The following MIDN variants were observed in gnomAD, a reference collection of about 807,000 sequenced individuals.
MIDN encodes midnolin, also known as midbrain nucleolar protein.
Under a neutral mutation model 46.1 loss-of-function variants are expected in MIDN, and 26 were observed. The ratio of observed to expected loss-of-function variants is 0.56; its 90% CI spans 0.41 to 0.78. MIDN has a LOEUF of 0.78. Ranked by LOEUF, MIDN falls within the 30% of genes least tolerant of loss-of-function variation. The probability of loss-of-function intolerance (pLI) is 0.00; values close to 1 mark genes in which losing one functional copy is unlikely to be tolerated. For missense variants in MIDN, 850 were observed against 771.8 expected (o/e 1.10, Z -1.20); for synonymous variants, 432 against 343.3 (o/e 1.26, Z -2.86).
chr19:1,251,103 C>A (rs1017737109), intron 2 of MIDN, among the ~76,000 whole-genome samples: 1 of 151,988 alleles, frequency 6.6e-6, no homozygotes, highest in Non-Finnish European at 1.5e-5. Flanking sequence ...CGGCGGCGGC[C>A]GCCTGCGCCG....
Position 1,250,342 on chromosome 19 carries a change from C to A in MIDN, c.46C>A (p.Pro16Thr). 1 of 1,042,892 alleles carries A rather than the reference C, an allele frequency of 9.6e-7. No homozygotes were observed. The highest frequency in any genetic ancestry group is 4.3e-5 in the South Asian group (1 of 23,268). 64.6% of individuals were successfully genotyped at this position (1,042,892 alleles called of 1,614,324 possible). ...CGCCCGGAGCTGCCGGCGCGGGGCCCCCGGCGGCGCCTGCGAGCTGGGCCC... is the reference window on the plus strand; with the variant it reads ...CGCCCGGAGCTGCCGGCGCGGGGCCACCGGCGGCGCCTGCGAGCTGGGCCC... Reference protein sequence around the residue: ...GGARSCRRGAPGGACELGPAA... With the variant: ...GGARSCRRGATGGACELGPAA... The change falls in exon 2 of 9, where the codon CCC becomes ACC. Residue 16 changes from proline to threonine, a missense_variant. Pro to Thr is a conservative substitution (Grantham distance 38). Transcript: ENST00000682408.
Position 1,254,039 on chromosome 19 carries a change from G to T in MIDN, c.470G>T (p.Arg157Leu). 2 of 1,438,242 alleles carry T rather than the reference G, an allele frequency of 1.4e-6. No individual in the cohort carries two copies. Among genetic ancestry groups the T allele is most frequent in the South Asian group, 2.7e-5 (2 of 73,370 alleles). 89.1% of individuals were successfully genotyped at this position (1,438,242 alleles called of 1,614,324 possible). A position where few individuals can be genotyped will look rare whatever the true frequency, so the allele number is the denominator to read the frequency against. ...ATTTTATTTAAGCGTCCGTGGCACC[G>T]ACAGGGACCCCAGAGCCCAGAGAGG... ...RFILFKRPWH[R>L]QGPQSPERGG... Residue 157 changes from arginine (R) to leucine (L), a missense_variant, in exon 5 of 9, where the codon CGA becomes CTA. By Grantham distance (102) the Arg-to-Leu change is moderately radical (BLOSUM62 -2). Coordinates refer to ENST00000682408, the MANE Select transcript of MIDN (RefSeq NM_001388306.1).
At chr19:1,252,678 C>T (rs2081146585) in intron 4 of MIDN, among the ~76,000 whole-genome samples, 1 of 152,210 alleles carries the variant, frequency 6.6e-6, no homozygotes, top group Non-Finnish European at 1.5e-5. Flanking sequence ...GTGGGGGACG[C>T]AGGCTGCCAC....
At chr19:1,251,510 G>C in intron 2 of MIDN, 52 bp from the exon 3 acceptor site, 1 of 1,558,278 alleles carries the variant, frequency 6.4e-7, no homozygotes. Context: ...CTCTGCTTCC[G>C]CGTCCCTGTG....
chr19:1,252,057 A>G (rs1230918056), intron 4 of MIDN, among the ~76,000 whole-genome samples, 156 bp downstream of exon 4: 2 of 151,374 alleles, frequency 1.3e-5, no homozygotes, highest in Non-Finnish European at 2.9e-5. Flanking sequence ...TGGCCTCCCC[A>G]CCTCCTCTCC....
rs746383092 is a variant in MIDN, at chr19:1,257,198, G to A, written c.1462G>A (p.Gly488Ser). 1 of 1,612,132 alleles carries A rather than the reference G, an allele frequency of 6.2e-7. No homozygotes were observed. The highest frequency in any genetic ancestry group is 1.1e-5 in the South Asian group (1 of 91,082). Reference protein sequence around the residue: ...GGSPSEASGLGLDFEDSVWKP... With the variant: ...GGSPSEASGLSLDFEDSVWKP... ...CAGCCCCAGCGAGGCCTCCGGCTTG[G>A]GCCTCGACTTCGAGGACTCCGTGTG... The change falls in exon 9 of 9, where the codon GGC becomes AGC. Residue 488 changes from glycine (G) to serine (S), a missense_variant. Physicochemically the swap from Gly to Ser is moderately conservative, Grantham distance 56. Transcript: ENST00000682408.
At position 1,258,524 on chromosome 19, in the gene MIDN, T is replaced by C. The variant is rs911739263; in HGVS notation, c.*1252T>C. ...GATTTTTTTCCCCACTCACTTTTTA[T>C]TTTTTAATGATAATGGAGATGTCTG... On this transcript the variant is annotated 3_prime_UTR_variant, in exon 9 of 9. Coordinates refer to ENST00000682408, the MANE Select transcript of MIDN (RefSeq NM_001388306.1). The C allele has an allele frequency of 6.6e-6, 1 of 152,466 alleles. No individual in the cohort carries two copies. The highest frequency in any genetic ancestry group is 2.4e-5 in the African/African-American group (1 of 41,440). 9.4% of individuals were successfully genotyped at this position (152,466 alleles called of 1,614,324 possible). A position where few individuals can be genotyped will look rare whatever the true frequency, so the allele number is the denominator to read the frequency against.
intron 7 of MIDN, 114 bp from the exon 8 acceptor site, chr19:1,255,308 C>T: frequency 2.2e-6 from 3 of 1,345,798 alleles, no homozygotes; most frequent in Admixed American, 2.4e-5. Context: ...TCGTGCACAT[C>T]AGCCCACATG....
At chr19:1,253,094 C>T (rs2081152861) in intron 4 of MIDN, among the ~76,000 whole-genome samples, 1 of 151,822 alleles carries the variant, frequency 6.6e-6, no homozygotes, top group South Asian at 2.1e-4. Context: ...TGCTTCCCTG[C>T]CTGGCACCGA....
At position 1,259,092 on chromosome 19, in the gene MIDN, A is replaced by AC. The variant is rs1461205846; in HGVS notation, c.*1820_*1821insC. On this transcript the variant is annotated 3_prime_UTR_variant, in exon 9 of 9. Coordinates refer to ENST00000682408, the MANE Select transcript of MIDN (RefSeq NM_001388306.1). ...AAAACATAAAATTGAAAAAAAAAAA[A>AC]AAACCTACACGAGCACCGTGATTTC... 2 of 151,800 alleles carry AC rather than the reference A, an allele frequency of 1.3e-5. No homozygotes were observed. The highest frequency in any genetic ancestry group is 2.9e-5 in the Non-Finnish European group (2 of 67,950). The allele number at this position is 151,800 out of a possible 1,614,324, so 9.4% of individuals were successfully genotyped here. A position where few individuals can be genotyped will look rare whatever the true frequency, so the allele number is the denominator to read the frequency against.
rs995941071 is a variant in MIDN, at chr19:1,258,158, TGA to T, written c.*887_*888del. 1 of 152,608 alleles carries T rather than the reference TGA, an allele frequency of 6.6e-6. No homozygotes were observed. The highest frequency in any genetic ancestry group is 2.4e-5 in the African/African-American group (1 of 41,464). 9.5% of individuals were successfully genotyped at this position (152,608 alleles called of 1,614,324 possible). A position where few individuals can be genotyped will look rare whatever the true frequency, so the allele number is the denominator to read the frequency against. On this transcript the variant is annotated 3_prime_UTR_variant, in exon 9 of 9. Coordinates refer to ENST00000682408, the MANE Select transcript of MIDN (RefSeq NM_001388306.1). ...GGGTATTTATAGACTATTAATTTTC[TGA>T]CTGAGCCAATAGTGGTTGGGGAACT...
chr19:1,250,669 C>T (rs2081114580), intron 2 of MIDN, 140 bp downstream of exon 2: 2 of 257,432 alleles, frequency 7.8e-6, no homozygotes, highest in East Asian at 1.3e-4. Flanking sequence ...GCGCCCTCTG[C>T]TCGGCCTCGC....
intron 1 of MIDN, among the ~76,000 whole-genome samples, chr19:1,249,343 C>T (rs1272972144): frequency 6.6e-6 from 1 of 150,466 alleles, no homozygotes; most frequent in South Asian, 2.1e-4. Flanking sequence ...CCGCCCGCCC[C>T]GGGACCCCGG....
chr19:1,255,721 C>T (rs747948653), intron 8 of MIDN, 27 bp downstream of exon 8: 24 of 1,516,234 alleles, frequency 1.6e-5, no homozygotes, highest in Non-Finnish European at 9.7e-6. Context: ...GGGGGTCCTA[C>T]CTTCCCCGCC....
Position 1,254,286 on chromosome 19 carries a change from G to A in MIDN, c.633G>A (p.Val211=), listed in dbSNP as rs772425106. ...AQHAPLQHRH[V]LAAAAAAAAA... ...ACGCTCCACTGCAACACCGCCATGT[G>A]CTGGCCGCTGCGGCCGCCGCCGCTG... Residue 211 remains valine, a synonymous_variant, in exon 6 of 9, where the codon GTG becomes GTA. Coordinates refer to ENST00000682408, the MANE Select transcript of MIDN (RefSeq NM_001388306.1). 6.3e-7 allele frequency: 1 copy of A among 1,575,692 alleles called. No homozygotes were observed. The highest frequency in any genetic ancestry group is 1.4e-5 in the African/African-American group (1 of 73,938).
chr19:1,251,960 A>T, intron 4 of MIDN, 59 bp downstream of exon 4: 1 of 1,434,016 alleles, frequency 7.0e-7, no homozygotes, highest in South Asian at 1.2e-5. Flanking sequence ...TGCCTTGGCC[A>T]CCGACGGGGC....
rs1331652017 is a variant in MIDN, at chr19:1,257,542, T to C, written c.*270T>C. 1.5e-5 allele frequency: 6 copies of C among 410,836 alleles called. No individual in the cohort carries two copies. The highest frequency in any genetic ancestry group is 3.5e-5 in the South Asian group (1 of 28,732). The allele number at this position is 410,836 out of a possible 1,614,324, so 25.4% of individuals were successfully genotyped here. A position where few individuals can be genotyped will look rare whatever the true frequency, so the allele number is the denominator to read the frequency against. ...TTCCTCCTCCTCCTCCTCCTCCGTC[T>C]GTCTCCTTTCACCTCTGCGCCAGGT... On this transcript the variant is annotated 3_prime_UTR_variant, in exon 9 of 9. Coordinates refer to ENST00000682408, the MANE Select transcript of MIDN (RefSeq NM_001388306.1).
chr19:1,255,710 C>A lies in MIDN; in HGVS notation c.1258+16C>A. On this transcript the variant is annotated intron_variant, in intron 8 of 8. Transcript: ENST00000682408. Reference sequence around the variant, plus strand: ...AAGCCCCCGGGTGAGTGGCCACCCTCGGGGGTCCTACCTTCCCCGCCCGCC... The same window carrying A: ...AAGCCCCCGGGTGAGTGGCCACCCTAGGGGGTCCTACCTTCCCCGCCCGCC... 6.5e-7 allele frequency: 1 copy of A among 1,545,944 alleles called. No individual in the cohort carries two copies. Among genetic ancestry groups the A allele is most frequent in the South Asian group, 1.2e-5 (1 of 83,154 alleles).
intron 8 of MIDN, among the ~76,000 whole-genome samples, chr19:1,256,572 G>A (rs568390608): frequency 4.6e-5 from 7 of 152,024 alleles, no homozygotes; most frequent in South Asian, 4.2e-4. Context: ...AGGACTCCAG[G>A]AAGAATGAGG....
Sources: allele counts gnomAD v4.1 joint callset (sites outside exome capture counted in the v4.1 genomes callset), GRCh38; gene constraint gnomAD v4.1.1; transcripts MANE v1.5; gene names NCBI Gene and HGNC (gene_info 2026-07-23, HGNC 2026-07-21).